SOX5: variants seen among roughly 807,000 people sequenced by gnomAD.
The protein encoded by SOX5 is SRY-box transcription factor 5.
SOX5 carries 9 observed loss-of-function variants against 92.0 expected under a neutral mutation model. The observed-to-expected ratio is 0.10, with a 90% CI of 0.06 to 0.17. SOX5 has a LOEUF of 0.17. Ranked by LOEUF, SOX5 falls within the 10% of genes least tolerant of loss-of-function variation. SOX5 has a pLI of 1.00. For synonymous variants in SOX5, 344 were observed against 336.3 expected, an observed-to-expected ratio of 1.02 and a Z score of -0.25; for missense variants, 642 against 944.5, an observed-to-expected ratio of 0.68 and a Z score of 4.20.
chr12:23,887,579 C>T (rs75692132), intron 2 of SOX5, among the ~76,000 whole-genome samples: 2,546 of 152,236 alleles, frequency 0.017, 63 homozygotes, highest in African/African-American at 0.058. Context: ...TCTTAGTGTC[C>T]TGGCTATTTC....
At chr12:23,624,803 A>G (rs971448653) in intron 8 of SOX5, among the ~76,000 whole-genome samples, 1 of 152,242 alleles carries the variant, frequency 6.6e-6, no homozygotes, top group Non-Finnish European at 1.5e-5. Context: ...ATTTTACTGT[A>G]TAATAATTTT....
chr12:24,280,345 C>T (rs527349220), intron 2 of SOX5, among the ~76,000 whole-genome samples: 29 of 152,214 alleles, frequency 1.9e-4, no homozygotes, highest in African/African-American at 6.3e-4. Flanking sequence ...GGGAGGAGCA[C>T]GCAGGTAGCT....
chr12:24,336,301 G>A (rs1208849688), intron 2 of SOX5, among the ~76,000 whole-genome samples: 1 of 152,040 alleles, frequency 6.6e-6, no homozygotes, highest in Non-Finnish European at 1.5e-5. Context: ...CACCATGTTA[G>A]CCAGGATGGT....
At chr12:23,810,967 T>A (rs2095866130) in intron 3 of SOX5, among the ~76,000 whole-genome samples, 1 of 152,156 alleles carries the variant, frequency 6.6e-6, no homozygotes. Flanking sequence ...AGTTTGCATT[T>A]CAAATGGTTG....
At chr12:24,391,986 T>C (rs1281321886) in intron 1 of SOX5, among the ~76,000 whole-genome samples, 1 of 152,112 alleles carries the variant, frequency 6.6e-6, no homozygotes, top group East Asian at 1.9e-4. Flanking sequence ...CCTCTCCCAA[T>C]GAGTATGACT....
intron 3 of SOX5, among the ~76,000 whole-genome samples, chr12:23,823,381 T>A (rs1201688097): frequency 6.6e-6 from 1 of 152,332 alleles, no homozygotes; most frequent in East Asian, 1.9e-4. Context: ...TAAAGCTTAG[T>A]TTGGCTGGAT....
intron 4 of SOX5, among the ~76,000 whole-genome samples, chr12:24,036,891 T>C (rs1015061929): frequency 6.6e-6 from 1 of 152,244 alleles, no homozygotes; most frequent in Non-Finnish European, 1.5e-5. Context: ...TTTTATTGTA[T>C]GTACAGATGT....
At chr12:24,511,579 TATC>T (rs1949306903) in intron 1 of SOX5, among the ~76,000 whole-genome samples, 1 of 152,230 alleles carries the variant, frequency 6.6e-6, no homozygotes, top group Non-Finnish European at 1.5e-5. Context: ...TTCTGATTCT[TATC>T]ATAAATTTTA....
chr12:23,723,565 AT>A (rs2092939855), intron 6 of SOX5, among the ~76,000 whole-genome samples: 1 of 48,368 alleles, frequency 2.1e-5, no homozygotes, highest in African/African-American at 5.5e-5. Flanking sequence ...GAGGAGAAAA[AT>A]TATATATATA....
intron 2 of SOX5, among the ~76,000 whole-genome samples, chr12:23,849,107 C>G (rs557914661): frequency 2.0e-5 from 3 of 152,106 alleles, no homozygotes; most frequent in Admixed American, 6.6e-5. Context: ...ATATGATGTG[C>G]TAATTAAGAA....
At chr12:24,376,848 T>C (rs970843574) in intron 1 of SOX5, among the ~76,000 whole-genome samples, 8 of 150,282 alleles carry the variant, frequency 5.3e-5, no homozygotes, top group African/African-American at 2.0e-4. Context: ...GGATTACAGG[T>C]GTGTGCCCCA....
At chr12:24,261,991 T>A (rs2140253991) in intron 3 of SOX5, among the ~76,000 whole-genome samples, 1 of 152,310 alleles carries the variant, frequency 6.6e-6, no homozygotes, top group African/African-American at 2.4e-5. Context: ...AATGTTTATA[T>A]CGTTGGCTAC....
At chr12:23,703,576 GAC>G (rs2090966429) in intron 6 of SOX5, among the ~76,000 whole-genome samples, 4 of 152,016 alleles carry the variant, frequency 2.6e-5, no homozygotes, top group African/African-American at 9.6e-5. Context: ...TGACATCCCA[GAC>G]ACTAAGAAGT....
At chr12:23,821,148 T>G (rs1395175369) in intron 3 of SOX5, among the ~76,000 whole-genome samples, 1 of 152,220 alleles carries the variant, frequency 6.6e-6, no homozygotes, top group Admixed American at 6.5e-5. Flanking sequence ...ACATCCCTTG[T>G]AAGTTGTATT....
chr12:24,079,167 G>A (rs112686522), intron 4 of SOX5, among the ~76,000 whole-genome samples: 1 of 150,896 alleles, frequency 6.6e-6, no homozygotes, highest in Non-Finnish European at 1.5e-5. Flanking sequence ...AAAGTAGGGT[G>A]GATAGAAATG....
chr12:24,515,202 T>C (rs1422788409), intron 1 of SOX5, among the ~76,000 whole-genome samples: 1 of 152,210 alleles, frequency 6.6e-6, no homozygotes, highest in Non-Finnish European at 1.5e-5. Flanking sequence ...CTGCCTGGGT[T>C]CAAATCTTGG....
chr12:23,906,715 T>C (rs191545984), intron 1 of SOX5, among the ~76,000 whole-genome samples: 16 of 152,222 alleles, frequency 1.1e-4, no homozygotes, highest in Non-Finnish European at 1.9e-4. Flanking sequence ...AATCTTTTAT[T>C]AATAATATGA....
At chr12:23,692,189 T>C (rs1467348245) in intron 6 of SOX5, among the ~76,000 whole-genome samples, 1 of 152,038 alleles carries the variant, frequency 6.6e-6, no homozygotes, top group Admixed American at 6.6e-5. Flanking sequence ...TCTCAGCACC[T>C]TGGGAGGCCG....
At chr12:24,378,810 C>T (rs1957537661) in intron 1 of SOX5, among the ~76,000 whole-genome samples, 1 of 152,190 alleles carries the variant, frequency 6.6e-6, no homozygotes, top group Non-Finnish European at 1.5e-5. Context: ...TGAGCACTCC[C>T]TCAATCCGCA....
Sources: gnomAD v4.1 joint callset for allele counts (sites outside exome capture counted in the v4.1 genomes callset) on GRCh38, gnomAD v4.1.1 for gene constraint, MANE v1.5 for transcripts, NCBI Gene and HGNC (gene_info 2026-07-23, HGNC 2026-07-21) for gene names.